Variants in ANK3 observed in about 807,000 individuals in gnomAD.
ANK3 encodes the protein ankyrin-3.
ANK3 carries 57 observed loss-of-function variants against 370.9 expected under a neutral mutation model. That is an observed-to-expected ratio of 0.15 (90% CI 0.12 to 0.19). The LOEUF (loss-of-function observed/expected upper bound fraction) is 0.19, where lower values mean the gene tolerates loss of function less well. Ranked by LOEUF, ANK3 falls within the 10% of genes least tolerant of loss-of-function variation. The pLI, the probability that ANK3 is intolerant of heterozygous loss-of-function variation, is 1.00. For synonymous variants in ANK3, 1,929 were observed against 1,946.3 expected, an observed-to-expected ratio of 0.99 and a Z score of 0.23; for missense variants, 4,439 against 5,302.1, an observed-to-expected ratio of 0.84 and a Z score of 5.06.
intron 1 of ANK3, among the ~76,000 whole-genome samples, chr10:60,644,545 A>C (rs1002806721): frequency 6.6e-6 from 1 of 152,172 alleles, no homozygotes; most frequent in Non-Finnish European, 1.5e-5. Flanking sequence ...CTATTGGAAA[A>C]AAAATGCAGC....
chr10:60,228,019 T>C lies in ANK3; in HGVS notation c.897+6669A>G, dbSNP rs528878660. 2.3e-3 allele frequency among the ~76,000 whole-genome samples: 343 copies of C among 152,322 alleles called. 1 individual carries two copies. The highest frequency in any genetic ancestry group is 3.5e-3 in the Non-Finnish European group (237 of 68,032). ...GCAGCTTGGTTTTGTCCAGAGCTGA[T>C]GACTTTTCCCAGCAGAAGGCTTAGT... On this transcript the variant is annotated intron_variant, in intron 8 of 43. Transcript: ENST00000280772.
intron 25 of ANK3, among the ~76,000 whole-genome samples, chr10:60,124,860 G>A (rs1039280170): frequency 1.3e-5 from 2 of 152,166 alleles, no homozygotes; most frequent in Admixed American, 6.5e-5. Context: ...TAGTCTCCTC[G>A]TCTGTAAAGT....
At chr10:60,093,060 C>A (rs2089056574) in intron 28 of ANK3, among the ~76,000 whole-genome samples, 1 of 152,114 alleles carries the variant, frequency 6.6e-6, no homozygotes, top group Admixed American at 6.5e-5. Flanking sequence ...GAAAGTTTTC[C>A]TACAGAAAAA....
chr10:60,487,523 G>A (rs1009287661), intron 2 of ANK3, among the ~76,000 whole-genome samples: 3 of 152,110 alleles, frequency 2.0e-5, no homozygotes, highest in Admixed American at 6.6e-5. Flanking sequence ...TTAAATTTTA[G>A]TGCACCTGAG....
At chr10:60,254,384 C>A (rs1294580879) in intron 7 of ANK3, among the ~76,000 whole-genome samples, 1 of 152,042 alleles carries the variant, frequency 6.6e-6, no homozygotes, top group Non-Finnish European at 1.5e-5. Flanking sequence ...AGCCCTACAC[C>A]CTTGTAAAAC....
chr10:60,617,123 A>C (rs1260940879), intron 1 of ANK3, among the ~76,000 whole-genome samples: 1 of 152,116 alleles, frequency 6.6e-6, no homozygotes, highest in African/African-American at 2.4e-5. Flanking sequence ...ATTTGCATTT[A>C]GGTTTGGTTT....
intron 2 of ANK3, among the ~76,000 whole-genome samples, chr10:60,402,708 C>A (rs1248442815): frequency 6.6e-6 from 1 of 152,194 alleles, no homozygotes; most frequent in African/African-American, 2.4e-5. Context: ...GTCAAAAAGC[C>A]TGGGTTAGCC....
intron 2 of ANK3, among the ~76,000 whole-genome samples, chr10:60,479,122 G>A (rs190064997): frequency 6.1e-4 from 92 of 152,040 alleles, no homozygotes; most frequent in African/African-American, 2.0e-3. Context: ...CCTAGGAATC[G>A]CTTGAAATTT....
intron 2 of ANK3, among the ~76,000 whole-genome samples, chr10:60,555,289 T>C (rs551699048): frequency 2.0e-5 from 3 of 152,004 alleles, no homozygotes; most frequent in South Asian, 4.2e-4. Flanking sequence ...CTGGGCAACA[T>C]AGTGAGACTC....
At chr10:60,598,687 T>A (rs2078020986) in intron 2 of ANK3, among the ~76,000 whole-genome samples, 1 of 152,238 alleles carries the variant, frequency 6.6e-6, no homozygotes, top group South Asian at 2.1e-4. Flanking sequence ...AAATTAAATG[T>A]TTCCTCAGTA....
intron 1 of ANK3, among the ~76,000 whole-genome samples, chr10:60,298,265 G>A (rs1566368376): frequency 6.6e-6 from 1 of 152,036 alleles, no homozygotes; most frequent in Non-Finnish European, 1.5e-5. Flanking sequence ...ACTAGTTCTA[G>A]TTCTTCCATA....
intron 7 of ANK3, among the ~76,000 whole-genome samples, chr10:60,248,606 A>C (rs1419033034): frequency 6.6e-6 from 1 of 152,208 alleles, no homozygotes; most frequent in East Asian, 1.9e-4. Flanking sequence ...AAATGGAAGA[A>C]AATTACCAGT....
At chr10:60,116,333 T>C (rs981545505) in intron 25 of ANK3, among the ~76,000 whole-genome samples, 30 of 152,150 alleles carry the variant, frequency 2.0e-4, no homozygotes, top group Non-Finnish European at 1.2e-4. Context: ...ATGTTCTGGC[T>C]TATTACTTCA....
At chr10:60,647,728 AG>A (rs1321832457) in intron 1 of ANK3, among the ~76,000 whole-genome samples, 1 of 152,214 alleles carries the variant, frequency 6.6e-6, no homozygotes, top group Admixed American at 6.5e-5. Flanking sequence ...GGAACAAGTT[AG>A]GGTCTAAAAA....
chr10:60,732,991 GC>G (rs1336793068), intron 1 of ANK3, among the ~76,000 whole-genome samples: 1 of 151,670 alleles, frequency 6.6e-6, no homozygotes, highest in Non-Finnish European at 1.5e-5. Flanking sequence ...AAGTCCTCGG[GC>G]CCCCCTCTCT....
At chr10:60,389,949 A>C, upstream of ANK3, 1 of 715,870 alleles carries the variant, frequency 1.4e-6, no homozygotes, top group Non-Finnish European at 1.7e-6. Context: ...CCACACATGC[A>C]GAAGCAAAAA....
chr10:60,397,186 T>C (rs367600323), intron 2 of ANK3, among the ~76,000 whole-genome samples: 7 of 146,526 alleles, frequency 4.8e-5, no homozygotes, highest in African/African-American at 1.5e-4. Context: ...TAGGAGGTCA[T>C]ACTTATAGTA....
At chr10:60,046,889 C>T (rs966855673) in intron 42 of ANK3, among the ~76,000 whole-genome samples, 1 of 150,326 alleles carries the variant, frequency 6.7e-6, no homozygotes. Flanking sequence ...TCACTGCAAG[C>T]TCCGCCTCCC....
At chr10:60,648,076 A>T (rs1322556614) in intron 1 of ANK3, among the ~76,000 whole-genome samples, 1 of 146,282 alleles carries the variant, frequency 6.8e-6, no homozygotes, top group Non-Finnish European at 1.5e-5. Flanking sequence ...GGATCTCTTG[A>T]CCTCGTGATC....
Sources: allele counts gnomAD v4.1 joint callset (sites outside exome capture counted in the v4.1 genomes callset), GRCh38; gene constraint gnomAD v4.1.1; transcripts MANE v1.5; gene names NCBI Gene and HGNC (gene_info 2026-07-23, HGNC 2026-07-21).